The following IDE variants were observed in gnomAD, a reference collection of about 807,000 sequenced individuals.
The protein encoded by IDE is insulin degrading enzyme.
In IDE, 58 loss-of-function variants were observed where a neutral mutation model predicts 133.2. The ratio of observed to expected loss-of-function variants is 0.44; its 90% CI spans 0.35 to 0.54. The LOEUF (loss-of-function observed/expected upper bound fraction) is 0.54, where lower values mean the gene tolerates loss of function less well. IDE is among the 20% of genes least tolerant of loss of function. The pLI is 0.00. For synonymous variants in IDE, 396 were observed against 421.3 expected (o/e 0.94, Z 0.73); for missense variants, 981 against 1,234.0 (o/e 0.79, Z 3.07).
chr10:92,454,692 T>A (rs1844898657), intron 24 of IDE, among the ~76,000 whole-genome samples, 153 bp from the exon 25 acceptor site: 1 of 152,238 alleles, frequency 6.6e-6, no homozygotes, highest in African/African-American at 2.4e-5. Context: ...TAATAACCCA[T>A]GTATCTTGAT....
At chr10:92,564,736 G>T (rs900697213) in intron 1 of IDE, among the ~76,000 whole-genome samples, 1 of 114,094 alleles carries the variant, frequency 8.8e-6, no homozygotes, top group African/African-American at 3.2e-5. Context: ...ATGTCCATAG[G>T]ACCATAAGAT....
chr10:92,544,922 A>G (rs1842474784), intron 1 of IDE, among the ~76,000 whole-genome samples: 1 of 152,232 alleles, frequency 6.6e-6, no homozygotes. Flanking sequence ...TACAGTAGAC[A>G]TGAATGGGTT....
At chr10:92,546,527 G>A (rs1272614748) in intron 1 of IDE, among the ~76,000 whole-genome samples, 1 of 152,142 alleles carries the variant, frequency 6.6e-6, no homozygotes, top group Non-Finnish European at 1.5e-5. Flanking sequence ...CCATACCAAA[G>A]AGGTGCTAAA....
chr10:92,483,069 C>T (rs904990038), intron 14 of IDE, among the ~76,000 whole-genome samples, 186 bp downstream of exon 14: 1 of 152,190 alleles, frequency 6.6e-6, no homozygotes, highest in Non-Finnish European at 1.5e-5. Flanking sequence ...CGTGAGCCAC[C>T]GTGCCCGGCC....
intron 15 of IDE, 59 bp downstream of exon 15, chr10:92,479,218 C>T: frequency 7.9e-7 from 1 of 1,261,574 alleles, no homozygotes; most frequent in Non-Finnish European, 1.1e-6. Context: ...AAAAATGCTT[C>T]CATCAAATCA....
At chr10:92,535,155 G>A (rs1291929066) in intron 2 of IDE, among the ~76,000 whole-genome samples, 1 of 152,118 alleles carries the variant, frequency 6.6e-6, no homozygotes, top group Non-Finnish European at 1.5e-5. Context: ...CCAGGCTGGA[G>A]TGCAGTGGCG....
chr10:92,477,025 C>G (rs918016382), intron 15 of IDE, among the ~76,000 whole-genome samples: 4 of 152,094 alleles, frequency 2.6e-5, no homozygotes, highest in African/African-American at 9.7e-5. Flanking sequence ...CATGAGCCAC[C>G]GTGCCAGGCA....
intron 19 of IDE, among the ~76,000 whole-genome samples, chr10:92,467,702 G>A (rs1039411652): frequency 6.6e-6 from 1 of 152,196 alleles, no homozygotes; most frequent in African/African-American, 2.4e-5. Flanking sequence ...AGAATATCCT[G>A]AGTCTTTCTC....
At chr10:92,507,762 G>C in intron 8 of IDE, 96 bp from the exon 9 acceptor site, 1 of 759,248 alleles carries the variant, frequency 1.3e-6, no homozygotes, top group Non-Finnish European at 2.4e-6. Context: ...GTGGAAGATG[G>C]TCCCTCTTAG....
At position 92,514,951 on chromosome 10, in the gene IDE, G is replaced by C. The variant is rs754115561; in HGVS notation, c.753C>G (p.Ser251=). ...LLKFHSAYYS[S]NLMAVCVLGR... ...CTAAAACACAAACAGCCATTAAGTT[G>C]GATGAATAGTAAGCAGAATGGAATT... The change falls in exon 5 of 25, where the codon TCC becomes TCG. Residue 251 remains serine (S), a synonymous_variant. Transcript: ENST00000265986. 1.9e-6 allele frequency: 3 copies of C among 1,612,544 alleles called. No individual in the cohort carries two copies. In the South Asian group the frequency reaches 3.3e-5, roughly 18 times the overall value.
At chr10:92,494,270 G>A (rs1378169944) in intron 11 of IDE, among the ~76,000 whole-genome samples, 5 of 142,516 alleles carry the variant, frequency 3.5e-5, no homozygotes, top group South Asian at 2.2e-4. Context: ...GTCTCACCAC[G>A]TTGCCCAGGC....
chr10:92,497,764 T>C, intron 11 of IDE: 1 of 942,732 alleles, frequency 1.1e-6, no homozygotes, highest in Admixed American at 6.2e-5. Flanking sequence ...TTACAACTGT[T>C]AACAGTCACA....
chr10:92,562,147 T>C lies in IDE; in HGVS notation c.98+11775A>G, dbSNP rs563382789. ...CTTTTTCCCAAAAGGAACTGAACTCTCAGGATTTCTAAGTGTTGATTCCCA... is the reference window on the plus strand; with the variant it reads ...CTTTTTCCCAAAAGGAACTGAACTCCCAGGATTTCTAAGTGTTGATTCCCA... On this transcript the variant is annotated intron_variant, in intron 1 of 24. Transcript: ENST00000265986. Among the ~76,000 whole-genome samples the C allele has an allele frequency of 3.3e-5, 5 of 152,278 alleles. No individual in the cohort carries two copies. The South Asian group carries it at 1.0e-3, about 32-fold the overall frequency.
intron 1 of IDE, among the ~76,000 whole-genome samples, chr10:92,571,635 A>G (rs992683542): frequency 1.3e-5 from 2 of 152,246 alleles, no homozygotes; most frequent in Non-Finnish European, 2.9e-5. Flanking sequence ...AGCTGAACAC[A>G]GAACAAGGAG....
intron 11 of IDE, among the ~76,000 whole-genome samples, chr10:92,494,751 T>C (rs1847587223): frequency 1.3e-5 from 2 of 152,176 alleles, no homozygotes; most frequent in Admixed American, 6.6e-5. Flanking sequence ...ATGGAACTCA[T>C]CTGGAAACAA....
intron 5 of IDE, among the ~76,000 whole-genome samples, chr10:92,513,648 T>C (rs886806975): frequency 2.0e-5 from 3 of 149,440 alleles, no homozygotes; most frequent in Non-Finnish European, 4.4e-5. Context: ...TTATATATAA[T>C]ATACATATAT....
At chr10:92,460,044 G>A (rs565378120) in intron 22 of IDE, among the ~76,000 whole-genome samples, 2 of 151,802 alleles carry the variant, frequency 1.3e-5, no homozygotes, top group East Asian at 1.9e-4. Flanking sequence ...TCACTATGTT[G>A]GCCAGGCTGA....
At position 92,540,249 on chromosome 10, in the gene IDE, G is replaced by GAA. The variant is rs532461078; in HGVS notation, c.99-2701_99-2700dup. On this transcript the variant is annotated intron_variant, in intron 1 of 24. Transcript: ENST00000265986. ...AACAGAGCGAGACTCCGTCTCAAAA[G>GAA]AAAAAAAAAAAAAACAGTTCTGGTT... Among the ~76,000 whole-genome samples the GAA allele has an allele frequency of 3.6e-3, 412 of 114,916 alleles. 1 individual carries two copies. Among genetic ancestry groups the GAA allele is most frequent in the African/African-American group, 0.012 (387 of 32,082 alleles). The allele number at this position is 114,916 out of a possible 152,430, so 75.4% of individuals were successfully genotyped here.
chr10:92,478,881 C>A, intron 15 of IDE: 1 of 525,790 alleles, frequency 1.9e-6, no homozygotes. Flanking sequence ...GATATGCAGC[C>A]TCATGATCTG....
Sources: allele counts gnomAD v4.1 joint callset (sites outside exome capture counted in the v4.1 genomes callset), GRCh38; gene constraint gnomAD v4.1.1; transcripts MANE v1.5; gene names NCBI Gene and HGNC (gene_info 2026-07-23, HGNC 2026-07-21).